Variants in ZNF175 observed in about 807,000 individuals in gnomAD.
ZNF175 encodes zinc finger protein OTK18.
A neutral mutation model predicts 14.0 loss-of-function variants in ZNF175; 8 were observed. The ratio of observed to expected loss-of-function variants is 0.57; its 90% CI spans 0.34 to 1.03. ZNF175 has a LOEUF of 1.03. Among genes scored for constraint, ZNF175 ranks in the 50% least tolerant of loss-of-function variants. The pLI is 0.03. For synonymous variants in ZNF175, 255 were observed against 296.8 expected (o/e 0.86, Z 1.45); for missense variants, 764 against 849.5 (o/e 0.90, Z 1.25).
At chr19:51,575,322 T>C (rs1355989609) in intron 2 of ZNF175, among the ~76,000 whole-genome samples, 2 of 150,658 alleles carry the variant, frequency 1.3e-5, no homozygotes, top group Non-Finnish European at 3.0e-5. Flanking sequence ...GTTAACGCCG[T>C]TCTCCTGCCT....
Position 51,588,493 on chromosome 19 carries a change from A to T in ZNF175, c.*26A>T, listed in dbSNP as rs774053397. 9 of 1,511,038 alleles carry T rather than the reference A, an allele frequency of 6.0e-6. No homozygotes were observed. The South Asian group carries it at 1.2e-4, about 20-fold the overall frequency. The allele number at this position is 1,511,038 out of a possible 1,614,324, so 93.6% of individuals were successfully genotyped here. A position where few individuals can be genotyped will look rare whatever the true frequency, so the allele number is the denominator to read the frequency against. On this transcript the variant is annotated 3_prime_UTR_variant, in exon 5 of 5. Coordinates refer to ENST00000262259, the MANE Select transcript of ZNF175 (RefSeq NM_007147.4). ...ATTCCTAGTGCATCAGCATATTCAT[A>T]AATGAAATATACTCCGAGTTTCTTG... is the stretch of plus-strand genomic sequence containing the variant.
In ZNF175 at chr19:51,573,519, C is replaced by A. The variant is rs1478290875; in HGVS notation, c.72+118C>A. On this transcript the variant is annotated intron_variant, in intron 2 of 4. Coordinates refer to ENST00000262259, the MANE Select transcript of ZNF175 (RefSeq NM_007147.4). ...TGAGCCTCCTGTCAAGCGAGGACCA[C>A]AGAGGCTGATGTTTCCACATTCATA... 4.3e-6 allele frequency: 4 copies of A among 925,616 alleles called. No individual in the cohort carries two copies. In the African/African-American group the frequency reaches 5.0e-5, roughly 12 times the overall value. The allele number at this position is 925,616 out of a possible 1,614,324, so 57.3% of individuals were successfully genotyped here.
intron 4 of ZNF175, 100 bp downstream of exon 4, chr19:51,581,982 G>A (rs967333634): frequency 6.2e-5 from 68 of 1,093,282 alleles, no homozygotes; most frequent in Middle Eastern, 6.0e-4. Flanking sequence ...GTGATGGCCC[G>A]TAGATTGCCT....
At position 51,587,087 on chromosome 19, in the gene ZNF175, C is replaced by T. The variant is rs769601922; in HGVS notation, c.756C>T (p.Cys252=). Residue 252 remains cysteine (C), a synonymous_variant, in exon 5 of 5, where the codon TGC becomes TGT. Coordinates refer to ENST00000262259, the MANE Select transcript of ZNF175 (RefSeq NM_007147.4). ...SKNIHTGETF[C]KGNQCRKVCG... is the part of the protein sequence containing the mutation. ...ATATTCATACAGGAGAGACATTTTG[C>T]AAAGGTAACCAGTGTAGAAAAGTCT... is the stretch of plus-strand genomic sequence containing the variant. 6.2e-7 allele frequency: 1 copy of T among 1,614,152 alleles called. No individual in the cohort carries two copies. Among genetic ancestry groups the T allele is most frequent in the Non-Finnish European group, 8.5e-7 (1 of 1,180,024 alleles).
intron 4 of ZNF175, among the ~76,000 whole-genome samples, chr19:51,584,582 T>C (rs1168698014): frequency 1.3e-5 from 2 of 152,110 alleles, no homozygotes; most frequent in Non-Finnish European, 2.9e-5. Flanking sequence ...CAGTGGAAGA[T>C]TGCCAGAATA....
At chr19:51,584,518 A>C (rs1363316084) in intron 4 of ZNF175, among the ~76,000 whole-genome samples, 1 of 152,204 alleles carries the variant, frequency 6.6e-6, no homozygotes, top group Non-Finnish European at 1.5e-5. Flanking sequence ...CAAGATTTTT[A>C]TGACCTGAAT....
chr19:51,588,067 G>T lies in ZNF175; in HGVS notation c.1736G>T (p.Arg579Leu), dbSNP rs143118840. Residue 579 changes from arginine to leucine, a missense_variant, in exon 5 of 5, where the codon CGA (arginine) becomes CTA (leucine). Arg to Leu is a moderately radical substitution (Grantham distance 102, BLOSUM62 -2). Transcript: ENST00000262259. ...AAGTCTCAATTCAAAGAGCATCAGC[G>T]AATTCACACGGGTGAGAAACCCTAT... ...TSKSQFKEHQ[R>L]IHTGEKPYVC... The T allele has an allele frequency of 1.4e-5, 23 of 1,614,138 alleles. No individual in the cohort carries two copies. The highest frequency in any genetic ancestry group is 1.9e-5 in the Non-Finnish European group (23 of 1,179,986).
chr19:51,573,639 TGG>T (rs1354838095), intron 2 of ZNF175: 2 of 508,132 alleles, frequency 3.9e-6, no homozygotes, highest in Non-Finnish European at 6.8e-6. Context: ...CTGTAGTCCC[TGG>T]TCTGATCAGA....
At chr19:51,582,346 A>G (rs34866285) in intron 4 of ZNF175, among the ~76,000 whole-genome samples, 58,360 of 151,808 alleles carry the variant, frequency 0.38, 11,737 homozygotes, top group Middle Eastern at 0.56. Flanking sequence ...CACCTAGGCT[A>G]GGGTGCAGTG....
In ZNF175 at chr19:51,591,673, A is replaced by G. The variant is rs1319098068; in HGVS notation, c.*3206A>G. 5 of 152,216 alleles carry G rather than the reference A, an allele frequency of 3.3e-5. No homozygotes were observed. The highest frequency in any genetic ancestry group is 4.8e-5 in the African/African-American group (2 of 41,454). The allele number at this position is 152,216 out of a possible 1,614,324, so 9.4% of individuals were successfully genotyped here. ...ATTTGACGTAAACTCAAGACCGAAA[A>G]TCTAGGAACAAGAAAAGCCTGGATT... On this transcript the variant is annotated 3_prime_UTR_variant, in exon 5 of 5. Coordinates refer to ENST00000262259, the MANE Select transcript of ZNF175 (RefSeq NM_007147.4).
Position 51,588,122 on chromosome 19 carries a change from C to T in ZNF175, c.1791C>T (p.Asn597=), listed in dbSNP as rs139414893. ...GCACTGAATGTGGGAAGGCCTTCAACGGCAGGTCAAATTTCCATAAACATC... is the reference window on the plus strand; with the variant it reads ...GCACTGAATGTGGGAAGGCCTTCAATGGCAGGTCAAATTTCCATAAACATC... ...YVCTECGKAF[N]GRSNFHKHQI... is the part of the protein sequence containing the mutation. The change falls in exon 5 of 5, where the codon AAC becomes AAT. Residue 597 remains asparagine (N), a synonymous_variant. Coordinates refer to ENST00000262259, the MANE Select transcript of ZNF175 (RefSeq NM_007147.4). 38 of 1,614,018 alleles carry T rather than the reference C, an allele frequency of 2.4e-5. No individual in the cohort carries two copies. Among genetic ancestry groups the T allele is most frequent in the African/African-American group, 5.3e-5 (4 of 74,910 alleles).
At position 51,581,376 on chromosome 19, in the gene ZNF175, G is replaced by T; in HGVS notation, c.73-15G>T. 2 of 1,614,024 alleles carry T rather than the reference G, an allele frequency of 1.2e-6. No individual in the cohort carries two copies. Among genetic ancestry groups the T allele is most frequent in the African/African-American group, 1.3e-5 (1 of 74,998 alleles). On this transcript the variant is annotated splice_polypyrimidine_tract_variant and intron_variant, in intron 2 of 4. Coordinates refer to ENST00000262259, the MANE Select transcript of ZNF175 (RefSeq NM_007147.4). ...GATGACCTAATTCACAGTGAGCTGG[G>T]GTACACTGTTACAGGCATCAGTGTC...
At position 51,588,303 on chromosome 19, in the gene ZNF175, C is replaced by T. The variant is rs753280080; in HGVS notation, c.1972C>T (p.Leu658Phe). ...GAAATCGTTCAGTAAGAAACCACAA[C>T]TCAAGGTGCATCAGCGAATTCACAC... ...CGKSFSKKPQ[L>F]KVHQRIHTGE... The change falls in exon 5 of 5, where the codon CTC becomes TTC. Residue 658 changes from leucine (L) to phenylalanine (F), a missense_variant. Leu to Phe is a conservative substitution (Grantham distance 22, BLOSUM62 0). Coordinates refer to ENST00000262259, the MANE Select transcript of ZNF175 (RefSeq NM_007147.4). The T allele has an allele frequency of 1.9e-6, 3 of 1,613,566 alleles. No individual in the cohort carries two copies. The highest frequency in any genetic ancestry group is 2.5e-6 in the Non-Finnish European group (3 of 1,179,902).
chr19:51,582,563 C>T (rs1057444375), intron 4 of ZNF175, among the ~76,000 whole-genome samples: 2 of 152,198 alleles, frequency 1.3e-5, no homozygotes, highest in Non-Finnish European at 2.9e-5. Context: ...TCCCAAAGTG[C>T]TGGAATTATA....
chr19:51,577,728 A>T (rs1276782872), intron 2 of ZNF175, among the ~76,000 whole-genome samples: 1 of 142,818 alleles, frequency 7.0e-6, no homozygotes, highest in Non-Finnish European at 1.5e-5. Context: ...CAGTGGCACG[A>T]TCTTGGCTCA....
At chr19:51,579,632 CAGA>C (rs548430131) in intron 2 of ZNF175, among the ~76,000 whole-genome samples, 36 of 152,200 alleles carry the variant, frequency 2.4e-4, no homozygotes, top group African/African-American at 7.5e-4. Flanking sequence ...ACAGAGCAAC[CAGA>C]AGGATTTTGT....
At chr19:51,575,309 C>T (rs1421632334) in intron 2 of ZNF175, among the ~76,000 whole-genome samples, 8 of 150,974 alleles carry the variant, frequency 5.3e-5, no homozygotes, top group Non-Finnish European at 1.2e-4. Flanking sequence ...CTGCACCTCC[C>T]GGGTTAACGC....
Position 51,587,604 on chromosome 19 carries a change from G to C in ZNF175, c.1273G>C (p.Gly425Arg). The change falls in exon 5 of 5, where the codon GGG becomes CGG. Residue 425 changes from glycine (G) to arginine (R), a missense_variant. Physicochemically the swap from Gly to Arg is moderately radical, Grantham distance 125 (BLOSUM62 -2). Coordinates refer to ENST00000262259, the MANE Select transcript of ZNF175 (RefSeq NM_007147.4). ...GAGACAGTATGCATGCAGTGAATGTGGGAAAGCCTTTACCCAGAAGTCAAC... is the reference window on the plus strand; with the variant it reads ...GAGACAGTATGCATGCAGTGAATGTCGGAAAGCCTTTACCCAGAAGTCAAC... ...GERQYACSECGKAFTQKSTLS... is the reference protein window; with the variant it reads ...GERQYACSECRKAFTQKSTLS... 1 of 1,614,128 alleles carries C rather than the reference G, an allele frequency of 6.2e-7. No individual in the cohort carries two copies. The highest frequency in any genetic ancestry group is 1.7e-4 in the Middle Eastern group (1 of 6,060).
chr19:51,578,306 A>G (rs1981877632), intron 2 of ZNF175, among the ~76,000 whole-genome samples: 1 of 152,034 alleles, frequency 6.6e-6, no homozygotes, highest in African/African-American at 2.4e-5. Context: ...AGGCTGAGGC[A>G]GGAGAATCGC....
Sources: gnomAD v4.1 joint callset for allele counts (sites outside exome capture counted in the v4.1 genomes callset) on GRCh38, gnomAD v4.1.1 for gene constraint, MANE v1.5 for transcripts, NCBI Gene and HGNC (gene_info 2026-07-23, HGNC 2026-07-21) for gene names.